PHYKPL: variants seen among roughly 807,000 people sequenced by gnomAD.
PHYKPL encodes the protein 5-phosphohydroxy-L-lysine phospho-lyase.
A neutral mutation model predicts 51.3 loss-of-function variants in PHYKPL; 42 were observed. That is an observed-to-expected ratio of 0.82 (90% CI 0.64 to 1.06). The LOEUF (loss-of-function observed/expected upper bound fraction) is 1.06, where lower values mean the gene tolerates loss of function less well. Among genes scored for constraint, PHYKPL ranks in the 50% least tolerant of loss-of-function variants. The pLI is 0.00. For missense variants in PHYKPL, 655 were observed against 586.6 expected, an observed-to-expected ratio of 1.12 and a Z score of -1.20; for synonymous variants, 264 against 236.0, an observed-to-expected ratio of 1.12 and a Z score of -1.09.
intron 8 of PHYKPL, among the ~76,000 whole-genome samples, chr5:178,220,695 A>G (rs2961680): frequency 0.74 from 110,604 of 149,712 alleles, 41,063 homozygotes; most frequent in African/African-American, 0.78. Flanking sequence ...TATGAAAACT[A>G]TTCAAAGCAG....
At position 178,208,626 on chromosome 5, in the gene PHYKPL, T is replaced by C. The variant is rs1424381112; in HGVS notation, c.*321A>G. Reference sequence around the variant, plus strand: ...TTTTTAATGGGTGTGCATGTCAGGATTTTCTTTAGAAATACACTGGTCTGG... The same window carrying C: ...TTTTTAATGGGTGTGCATGTCAGGACTTTCTTTAGAAATACACTGGTCTGG... On this transcript the variant is annotated 3_prime_UTR_variant, in exon 13 of 13. Coordinates refer to ENST00000308158, the MANE Select transcript of PHYKPL (RefSeq NM_153373.4). 1 of 152,262 alleles carries C rather than the reference T, an allele frequency of 6.6e-6. No individual in the cohort carries two copies. Among genetic ancestry groups the C allele is most frequent in the African/African-American group, 2.4e-5 (1 of 41,460 alleles). 9.4% of individuals were successfully genotyped at this position (152,262 alleles called of 1,614,324 possible).
At chr5:178,215,166 C>T in intron 9 of PHYKPL, 110 bp downstream of exon 9, 1 of 1,537,364 alleles carries the variant, frequency 6.5e-7, no homozygotes, top group Non-Finnish European at 8.9e-7. Flanking sequence ...GTCTCAGTTC[C>T]TCTTGAGAGC....
At chr5:178,211,839 G>A (rs1462963099) in intron 12 of PHYKPL, 51 bp downstream of exon 12, 9 of 1,374,648 alleles carry the variant, frequency 6.5e-6, no homozygotes, top group African/African-American at 1.4e-5. Context: ...TGCTGCTGAT[G>A]GTAAGGAACC....
chr5:178,210,727 T>G (rs1758022210), intron 12 of PHYKPL: 1 of 836,218 alleles, frequency 1.2e-6, no homozygotes, highest in Non-Finnish European at 2.0e-6. Flanking sequence ...CTATTGCCTG[T>G]CCCATGTGCA....
Position 178,214,797 on chromosome 5 carries a change from T to C in PHYKPL, c.1171A>G (p.Arg391Gly), listed in dbSNP as rs1413628990. Residue 391 changes from arginine (R) to glycine (G), a missense_variant and splice_region_variant, in exon 10 of 13, where the codon AGG (arginine) becomes GGG (glycine). Transcript: ENST00000308158. ...CAACTTGTTTCAAGAAGAAAATACCTTGATACCAAGTAGGCAGCCTCTTCA... is the reference window on the plus strand; with the variant it reads ...CAACTTGTTTCAAGAAGAAAATACCCTGATACCAAGTAGGCAGCCTCTTCA... ...ATEEAAYLVS[R>G]LKENYVLLST... 9 of 1,613,816 alleles carry C rather than the reference T, an allele frequency of 5.6e-6. No individual in the cohort carries two copies. The highest frequency in any genetic ancestry group is 1.1e-5 in the South Asian group (1 of 91,080).
At chr5:178,224,205 AC>A (rs1219642746) in intron 6 of PHYKPL, 19 of 482,464 alleles carry the variant, frequency 3.9e-5, no homozygotes, top group South Asian at 1.3e-4. Context: ...GTCAGAGAGC[AC>A]CCCCTCCAAG....
intron 3 of PHYKPL, among the ~76,000 whole-genome samples, chr5:178,227,725 C>T (rs1049180629): frequency 6.6e-6 from 1 of 152,174 alleles, no homozygotes; most frequent in Non-Finnish European, 1.5e-5. Flanking sequence ...GGACATAAGT[C>T]AGCTCCTATT....
intron 10 of PHYKPL, 69 bp downstream of exon 10, chr5:178,214,727 C>A: frequency 7.1e-7 from 1 of 1,411,702 alleles, no homozygotes; most frequent in Non-Finnish European, 1.0e-6. Flanking sequence ...CTCCTTTCCA[C>A]TGGCCCTGCA....
At chr5:178,214,037 G>A (rs1759220306) in intron 10 of PHYKPL, among the ~76,000 whole-genome samples, 1 of 152,194 alleles carries the variant, frequency 6.6e-6, no homozygotes, top group African/African-American at 2.4e-5. Context: ...GTAGGAGTAA[G>A]CTGGGGATGT....
At chr5:178,218,356 G>GT (rs1315365141) in intron 8 of PHYKPL, among the ~76,000 whole-genome samples, 14 of 152,186 alleles carry the variant, frequency 9.2e-5, no homozygotes, top group African/African-American at 3.4e-4. Context: ...AAAACCCTAT[G>GT]TAACTTGCAG....
At position 178,218,086 on chromosome 5, in the gene PHYKPL, G is replaced by A. The variant is rs1228957860; in HGVS notation, c.928-2656C>T. Among the ~76,000 whole-genome samples the A allele has an allele frequency of 2.0e-4, 22 of 109,448 alleles. 3 individuals carry two copies. Among genetic ancestry groups the A allele is most frequent in the Non-Finnish European group, 3.6e-4 (20 of 55,586 alleles). The allele number at this position is 109,448 out of a possible 152,430, so 71.8% of individuals were successfully genotyped here. A position where few individuals can be genotyped will look rare whatever the true frequency, so the allele number is the denominator to read the frequency against. On this transcript the variant is annotated intron_variant, in intron 8 of 12. Coordinates refer to ENST00000308158, the MANE Select transcript of PHYKPL (RefSeq NM_153373.4). ...ACAAAAATTAGCCGGGCGTGGTAGC[G>A]GGCGCCTGTAGTCCCAGCTACTCGG...
intron 10 of PHYKPL, among the ~76,000 whole-genome samples, chr5:178,214,231 T>C (rs2961677): frequency 0.14 from 21,029 of 152,058 alleles, 1,507 homozygotes; most frequent in Middle Eastern, 0.22. Context: ...GGAATAACAA[T>C]TCAACTAGAA....
At chr5:178,228,393 G>A in intron 3 of PHYKPL, 1 of 625,000 alleles carries the variant, frequency 1.6e-6, no homozygotes, top group Non-Finnish European at 2.9e-6. Flanking sequence ...GTAAGACAAT[G>A]CAGCAAAGAG....
chr5:178,232,297 C>A, intron 1 of PHYKPL, 195 bp downstream of exon 1: 1 of 1,254,562 alleles, frequency 8.0e-7, no homozygotes. Context: ...AGACCACCCG[C>A]CGGGACTGCC....
chr5:178,231,923 A>C, intron 1 of PHYKPL: 1 of 1,282,038 alleles, frequency 7.8e-7, no homozygotes, highest in Non-Finnish European at 1.0e-6. Flanking sequence ...AGCCCTAAAC[A>C]GCTCCTTGCC....
intron 1 of PHYKPL, 92 bp downstream of exon 1, chr5:178,232,400 C>CGCGTGCGTAGT (rs1405056798): frequency 1.3e-5 from 17 of 1,334,500 alleles, no homozygotes; most frequent in East Asian, 9.6e-5. Flanking sequence ...TAGCCGGAGG[C>CGCGTGCGTAGT]GCGTGCGTAG....
chr5:178,211,130 C>CCAAG (rs1758209988), intron 12 of PHYKPL: 1 of 157,008 alleles, frequency 6.4e-6, no homozygotes, highest in Non-Finnish European at 1.4e-5. Context: ...TTGAAGCTAT[C>CCAAG]CAAGCTTTTG....
At chr5:178,210,697 A>G (rs977977512) in intron 12 of PHYKPL, 75 of 1,225,484 alleles carry the variant, frequency 6.1e-5, no homozygotes, top group Non-Finnish European at 7.7e-5. Flanking sequence ...TTATGTACCA[A>G]ATTTAACTTG....
intron 12 of PHYKPL, 138 bp downstream of exon 12, chr5:178,211,752 G>A (rs1032345229): frequency 2.1e-5 from 13 of 625,190 alleles, no homozygotes; most frequent in Non-Finnish European, 3.7e-5. Context: ...CAGTGTTGAA[G>A]AAACTAACCT....
Sources: allele counts gnomAD v4.1 joint callset (sites outside exome capture counted in the v4.1 genomes callset), GRCh38; gene constraint gnomAD v4.1.1; transcripts MANE v1.5; gene names NCBI Gene and HGNC (gene_info 2026-07-23, HGNC 2026-07-21).